The following NFATC1 variants were observed in gnomAD, a reference collection of about 807,000 sequenced individuals.
The protein encoded by NFATC1 is nuclear factor of activated T-cells, cytoplasmic 1.
Under a neutral mutation model 76.0 loss-of-function variants are expected in NFATC1, and 22 were observed. That is an observed-to-expected ratio of 0.29 (90% confidence interval 0.21 to 0.41). NFATC1 has a LOEUF of 0.41. Among genes scored for constraint, NFATC1 ranks in the 10% least tolerant of loss-of-function variants. The pLI is 1.00. For missense variants in NFATC1, 1,357 were observed against 1,337.7 expected, an observed-to-expected ratio of 1.01 and a Z score of -0.23; for synonymous variants, 704 against 613.1, an observed-to-expected ratio of 1.15 and a Z score of -2.19.
intron 2 of NFATC1, among the ~76,000 whole-genome samples, chr18:79,427,734 C>T (rs12968193): frequency 2.4e-5 from 2 of 83,262 alleles, no homozygotes; most frequent in Non-Finnish European, 4.5e-5. Flanking sequence ...GGACGGCTGG[C>T]CTCTGTGCAG....
chr18:79,490,101 C>G (rs1280842490), intron 9 of NFATC1, among the ~76,000 whole-genome samples: 1 of 152,200 alleles, frequency 6.6e-6, no homozygotes, highest in Non-Finnish European at 1.5e-5. Context: ...CCCCCGCCCC[C>G]GCCCCCCCGT....
intron 3 of NFATC1, chr18:79,448,562 C>G: frequency 1.7e-6 from 1 of 586,558 alleles, no homozygotes. Flanking sequence ...GTGCAAGGCC[C>G]GTTTCAAAGC....
At chr18:79,401,310 G>C (rs1419288440) in intron 1 of NFATC1, among the ~76,000 whole-genome samples, 1 of 152,070 alleles carries the variant, frequency 6.6e-6, no homozygotes, top group African/African-American at 2.4e-5. Context: ...GACCTCCGCC[G>C]AGTCTGTAAT....
At chr18:79,397,802 G>A (rs1323536179) in intron 1 of NFATC1, among the ~76,000 whole-genome samples, 4 of 152,144 alleles carry the variant, frequency 2.6e-5, no homozygotes, top group African/African-American at 9.7e-5. Flanking sequence ...TTTTACGCAA[G>A]GAAAAAACAC....
At chr18:79,396,901 A>G (rs1448447520) in intron 1 of NFATC1, among the ~76,000 whole-genome samples, 4 of 151,704 alleles carry the variant, frequency 2.6e-5, no homozygotes, top group Non-Finnish European at 5.9e-5. Context: ...CTGCAGGACC[A>G]AAAGATCCAA....
At chr18:79,464,527 CAACT>C (rs2088332000) in intron 7 of NFATC1, among the ~76,000 whole-genome samples, 2 of 151,024 alleles carry the variant, frequency 1.3e-5, no homozygotes, top group Non-Finnish European at 1.5e-5. Flanking sequence ...GTAGTCTCAC[CAACT>C]GAGACATAAC....
At chr18:79,411,579 G>T in intron 2 of NFATC1, 78 bp downstream of exon 2, 1 of 1,067,686 alleles carries the variant, frequency 9.4e-7, no homozygotes, top group Non-Finnish European at 1.2e-6. Flanking sequence ...GCGGGACGGG[G>T]GGCGGCGCGG....
At chr18:79,418,628 T>C (rs1382674664) in intron 2 of NFATC1, among the ~76,000 whole-genome samples, 1 of 152,224 alleles carries the variant, frequency 6.6e-6, no homozygotes, top group Admixed American at 6.5e-5. Context: ...TCTGCCAGCC[T>C]CCGCTGGTGA....
chr18:79,443,170 G>T (rs538024272), intron 3 of NFATC1, among the ~76,000 whole-genome samples: 1 of 152,168 alleles, frequency 6.6e-6, no homozygotes, highest in Non-Finnish European at 1.5e-5. Flanking sequence ...ATCTGAACAC[G>T]ATCTATGAAT....
chr18:79,430,751 G>C lies in NFATC1; in HGVS notation c.1227-2828G>C, dbSNP rs539679888. On this transcript the variant is annotated intron_variant, in intron 2 of 9. Transcript: ENST00000427363. ...AAGATAGGTGCAAGGTGCCTGAGAC[G>C]GGCACCGCCTCGCATCATCTGCGAC... Among the ~76,000 whole-genome samples the C allele has an allele frequency of 3.3e-5, 5 of 152,190 alleles. No homozygotes were observed. The East Asian group carries it at 9.6e-4, about 29-fold the overall frequency.
chr18:79,423,000 AG>A (rs2086153018), intron 2 of NFATC1, among the ~76,000 whole-genome samples: 1 of 139,078 alleles, frequency 7.2e-6, no homozygotes, highest in Non-Finnish European at 1.6e-5. Context: ...GGGCAGATAG[AG>A]GGGTGGGGAC....
At chr18:79,453,754 A>AAGCTGTGAATACTGCAGGGT in intron 6 of NFATC1, among the ~76,000 whole-genome samples, 1 of 152,264 alleles carries the variant, frequency 6.6e-6, no homozygotes, top group African/African-American at 2.4e-5. Context: ...TACTGCAGGG[A>AAGCTGTGAATACTGCAGGGT]TGAAGCCAGA....
chr18:79,446,324 G>A (rs1210490914), intron 3 of NFATC1, among the ~76,000 whole-genome samples: 1 of 152,146 alleles, frequency 6.6e-6, no homozygotes, highest in Non-Finnish European at 1.5e-5. Context: ...CTGCCACAGG[G>A]ATCCTGGGGG....
chr18:79,438,804 C>T (rs538019128), intron 3 of NFATC1, among the ~76,000 whole-genome samples: 65 of 152,246 alleles, frequency 4.3e-4, no homozygotes, highest in African/African-American at 7.5e-4. Flanking sequence ...AAGCTCAGGA[C>T]GCAGGGTGGG....
At chr18:79,499,017 G>A (rs1042068686) in intron 9 of NFATC1, among the ~76,000 whole-genome samples, 4 of 152,190 alleles carry the variant, frequency 2.6e-5, no homozygotes, top group African/African-American at 9.7e-5. Flanking sequence ...CATATTAAAG[G>A]GAGTCCTTCA....
intron 8 of NFATC1, 35 bp from the exon 9 acceptor site, chr18:79,486,212 CT>C: frequency 6.3e-7 from 1 of 1,575,968 alleles, no homozygotes; most frequent in Admixed American, 1.7e-5. Flanking sequence ...TCATTCGCAA[CT>C]TGTGTTTATT....
Position 79,528,185 on chromosome 18 carries a change from A to C in NFATC1, c.*608A>C. ...TTAGAATCTTCCAGTCTGTCATCTCAGCTCTTTTGTAACATGCTTCCCTTG... is the reference window on the plus strand; with the variant it reads ...TTAGAATCTTCCAGTCTGTCATCTCCGCTCTTTTGTAACATGCTTCCCTTG... On this transcript the variant is annotated 3_prime_UTR_variant, in exon 10 of 10. Coordinates refer to ENST00000427363, the MANE Select transcript of NFATC1 (RefSeq NM_001278669.2). The C allele has an allele frequency of 2.7e-6, 1 of 371,042 alleles. No homozygotes were observed. The allele number at this position is 371,042 out of a possible 1,614,324, so 23.0% of individuals were successfully genotyped here. A position where few individuals can be genotyped will look rare whatever the true frequency, so the allele number is the denominator to read the frequency against.
At chr18:79,474,496 A>G (rs2088954086) in intron 8 of NFATC1, among the ~76,000 whole-genome samples, 2 of 145,946 alleles carry the variant, frequency 1.4e-5, no homozygotes, top group East Asian at 2.2e-4. Flanking sequence ...TCTCACACTC[A>G]CTGTCGACGT....
chr18:79,439,245 G>A (rs529837351), intron 3 of NFATC1, among the ~76,000 whole-genome samples: 9 of 152,296 alleles, frequency 5.9e-5, no homozygotes, highest in East Asian at 5.8e-4. Flanking sequence ...CTGGAAAGCC[G>A]GGGAGGGACG....
Sources: gnomAD v4.1 joint callset for allele counts (sites outside exome capture counted in the v4.1 genomes callset) on GRCh38, gnomAD v4.1.1 for gene constraint, MANE v1.5 for transcripts, NCBI Gene and HGNC (gene_info 2026-07-23, HGNC 2026-07-21) for gene names.